Variants in OSBPL8 observed in about 807,000 individuals in gnomAD.
OSBPL8 encodes the protein oxysterol-binding protein-related protein 8.
In OSBPL8, 59 loss-of-function variants were observed where a neutral mutation model predicts 125.5. The observed-to-expected ratio is 0.47, with a 90% CI of 0.38 to 0.58. The LOEUF is 0.58. Ranked by LOEUF, OSBPL8 falls within the 20% of genes least tolerant of loss-of-function variation. OSBPL8 has a pLI of 0.00. For synonymous variants in OSBPL8, 330 were observed against 338.9 expected, an observed-to-expected ratio of 0.97 and a Z score of 0.29; for missense variants, 758 against 1,047.8, an observed-to-expected ratio of 0.72 and a Z score of 3.82.
intron 18 of OSBPL8, among the ~76,000 whole-genome samples, chr12:76,372,592 A>G (rs982901418): frequency 4.6e-5 from 7 of 152,160 alleles, no homozygotes; most frequent in African/African-American, 1.7e-4. Flanking sequence ...GCCACTTAAC[A>G]AAGTCCCTAA....
At chr12:76,404,900 G>A (rs934304908) in intron 5 of OSBPL8, among the ~76,000 whole-genome samples, 15 of 152,186 alleles carry the variant, frequency 9.9e-5, no homozygotes, top group African/African-American at 2.4e-4. Flanking sequence ...CATGTTGTTC[G>A]AGGATCAACT....
chr12:76,447,719 T>C (rs145417497), intron 4 of OSBPL8, among the ~76,000 whole-genome samples: 53 of 152,284 alleles, frequency 3.5e-4, no homozygotes, highest in Middle Eastern at 3.4e-3. Flanking sequence ...AATTTTTTTG[T>C]ATTTTTAAGT....
intron 1 of OSBPL8, among the ~76,000 whole-genome samples, chr12:76,516,844 T>G (rs945484071): frequency 2.0e-5 from 3 of 149,870 alleles, no homozygotes; most frequent in African/African-American, 7.4e-5. Context: ...AGATGGAGAC[T>G]AGCTCTGTTG....
intron 2 of OSBPL8, among the ~76,000 whole-genome samples, chr12:76,482,609 G>A (rs1223860602): frequency 2.8e-5 from 4 of 144,690 alleles, no homozygotes; most frequent in South Asian, 2.2e-4. Context: ...GCGAAACTCC[G>A]TTTCAAAAAA....
At chr12:76,447,355 A>C (rs1342694709) in intron 4 of OSBPL8, among the ~76,000 whole-genome samples, 2 of 152,220 alleles carry the variant, frequency 1.3e-5, no homozygotes, top group Non-Finnish European at 1.5e-5. Context: ...GTGATGCAGC[A>C]TGAAGTACTA....
chr12:76,465,253 T>C (rs1317586530), intron 2 of OSBPL8, among the ~76,000 whole-genome samples: 2 of 152,146 alleles, frequency 1.3e-5, no homozygotes, highest in Non-Finnish European at 2.9e-5. Flanking sequence ...AAGGGGATCA[T>C]ACAAAATGTT....
chr12:76,417,314 G>T (rs1014339393), intron 4 of OSBPL8, among the ~76,000 whole-genome samples: 1 of 152,170 alleles, frequency 6.6e-6, no homozygotes, highest in Non-Finnish European at 1.5e-5. Context: ...AAATCTGGGT[G>T]TTTTCACCCT....
At chr12:76,542,031 C>T (rs1327373830) in intron 1 of OSBPL8, among the ~76,000 whole-genome samples, 4 of 151,884 alleles carry the variant, frequency 2.6e-5, no homozygotes, top group African/African-American at 9.7e-5. Context: ...ATTAGCCAGG[C>T]GTGGTGGCAC....
intron 4 of OSBPL8, among the ~76,000 whole-genome samples, chr12:76,435,774 T>G (rs531273844): frequency 1.1e-4 from 17 of 151,208 alleles, no homozygotes; most frequent in African/African-American, 4.1e-4. Flanking sequence ...GAAAGGAGAG[T>G]CTATAGAACC....
chr12:76,447,672 T>C (rs1407736941), intron 4 of OSBPL8, among the ~76,000 whole-genome samples: 1 of 152,076 alleles, frequency 6.6e-6, no homozygotes, highest in Non-Finnish European at 1.5e-5. Context: ...GCCTCTCAAA[T>C]AGCTAGGATT....
intron 4 of OSBPL8, among the ~76,000 whole-genome samples, chr12:76,412,304 C>T (rs1200088164): frequency 6.6e-6 from 1 of 152,050 alleles, no homozygotes; most frequent in African/African-American, 2.4e-5. Flanking sequence ...AGTAGTTTAC[C>T]TTTTGGAGGA....
intron 6 of OSBPL8, 105 bp from the exon 7 acceptor site, chr12:76,400,079 TC>T: frequency 2.6e-6 from 2 of 779,644 alleles, no homozygotes; most frequent in Non-Finnish European, 4.0e-6. Context: ...TAAACCTGTG[TC>T]ATGGGGTTTT....
chr12:76,528,770 C>G (rs1436405939), intron 1 of OSBPL8, among the ~76,000 whole-genome samples: 1 of 152,132 alleles, frequency 6.6e-6, no homozygotes, highest in Non-Finnish European at 1.5e-5. Flanking sequence ...GGGACAATCA[C>G]TTGAGCCCAG....
At chr12:76,559,183 G>A (rs937093602) in intron 1 of OSBPL8, among the ~76,000 whole-genome samples, 2 of 152,164 alleles carry the variant, frequency 1.3e-5, no homozygotes, top group Non-Finnish European at 2.9e-5. Flanking sequence ...TTGTAAGGCT[G>A]CAGATGCACC....
rs1592503996 is a variant in OSBPL8, at chr12:76,355,893, T to C, written c.2666A>G (p.Lys889Arg). Reference sequence around the variant, plus strand: ...TGATTCAATGGTAGAGAACTTCTACTTGAACATGAAGTTTATTATGACTTG... The same window carrying C: ...TGATTCAATGGTAGAGAACTTCTACCTGAACATGAAGTTTATTATGACTTG... ...LLQVIINFMF[K>R] The change falls in exon 24 of 24, where the codon AAG becomes AGG. Residue 889 changes from lysine (K) to arginine (R), a missense_variant. Transcript: ENST00000261183. 6.2e-7 allele frequency: 1 copy of C among 1,613,300 alleles called. No individual in the cohort carries two copies.
intron 21 of OSBPL8, among the ~76,000 whole-genome samples, chr12:76,364,609 C>A (rs1017064005): frequency 6.6e-6 from 1 of 152,110 alleles, no homozygotes; most frequent in South Asian, 2.1e-4. Context: ...TGTAACAAAC[C>A]TGCACATTCT....
intron 4 of OSBPL8, among the ~76,000 whole-genome samples, chr12:76,449,866 C>G (rs1873169668): frequency 6.6e-6 from 1 of 152,082 alleles, no homozygotes; most frequent in South Asian, 2.1e-4. Context: ...AGTGTACTGA[C>G]AGCGTTTCAG....
At chr12:76,366,126 T>C (rs765685795) in intron 21 of OSBPL8, among the ~76,000 whole-genome samples, 1 of 152,252 alleles carries the variant, frequency 6.6e-6, no homozygotes, top group Non-Finnish European at 1.5e-5. Flanking sequence ...TGTTCCCATC[T>C]CTTCTATTTT....
chr12:76,460,365 A>G lies in OSBPL8; in HGVS notation c.43-470T>C, dbSNP rs73383594. On this transcript the variant is annotated intron_variant, in intron 2 of 23. Transcript: ENST00000261183. ...ATGCCATGAAAGCACGTAACACTAC[A>G]AAGAGATTTAGTATGTTTCTTCTAC... 5.7e-3 allele frequency among the ~76,000 whole-genome samples: 870 copies of G among 152,194 alleles called. 11 individuals carry two copies. Among genetic ancestry groups the G allele is most frequent in the African/African-American group, 0.02 (837 of 41,476 alleles).
Sources: allele counts gnomAD v4.1 joint callset (sites outside exome capture counted in the v4.1 genomes callset), GRCh38; gene constraint gnomAD v4.1.1; transcripts MANE v1.5; gene names NCBI Gene and HGNC (gene_info 2026-07-23, HGNC 2026-07-21).